AFF2: variants seen among roughly 807,000 people sequenced by gnomAD.
AFF2 encodes AF4/FMR2 family member 2.
AFF2 carries 14 observed loss-of-function variants against 76.9 expected under a neutral mutation model. The ratio of observed to expected loss-of-function variants is 0.18; its 90% confidence interval spans 0.12 to 0.28. The LOEUF (loss-of-function observed/expected upper bound fraction) is 0.28. Among genes scored for constraint, AFF2 ranks in the 10% least tolerant of loss-of-function variants. AFF2 has a pLI of 1.00. For synonymous variants in AFF2, 398 were observed against 366.7 expected (o/e 1.09, Z -0.98); for missense variants, 868 against 1,001.1 (o/e 0.87, Z 1.79).
At chrX:148,670,352 T>C (rs1345640898) in intron 3 of AFF2, among the ~76,000 whole-genome samples, 1 of 111,627 alleles carries the variant, frequency 9.0e-6, no homozygotes, top group Non-Finnish European at 1.9e-5. Flanking sequence ...GTTTTGAACT[T>C]GGCCTTTAAT....
At chrX:148,747,908 G>C (rs1256221431) in intron 3 of AFF2, among the ~76,000 whole-genome samples, 3 of 111,172 alleles carry the variant, frequency 2.7e-5, no homozygotes, top group Non-Finnish European at 5.7e-5. Flanking sequence ...ATGCTGGCTA[G>C]GAATCATAGA....
intron 1 of AFF2, among the ~76,000 whole-genome samples, chrX:148,584,396 A>G (rs1353812548): frequency 9.0e-6 from 1 of 111,730 alleles, no homozygotes; most frequent in Non-Finnish European, 1.9e-5. Context: ...AGGAAACATT[A>G]GCATTCAAGA....
At chrX:148,935,866 C>T (rs1238057393) in intron 9 of AFF2, among the ~76,000 whole-genome samples, 1 of 51,420 alleles carries the variant, frequency 1.9e-5, no homozygotes, top group Non-Finnish European at 3.7e-5. Flanking sequence ...ATTTTTTATA[C>T]TTTAGGTTTT....
chrX:148,858,373 T>C (rs1299525368), intron 7 of AFF2, among the ~76,000 whole-genome samples: 3 of 111,644 alleles, frequency 2.7e-5, no homozygotes, highest in Admixed American at 9.6e-5. Flanking sequence ...CTCACAGAAA[T>C]TCTAGCATAT....
chrX:148,557,562 G>T (rs2124299916), intron 1 of AFF2, among the ~76,000 whole-genome samples: 1 of 111,720 alleles, frequency 9.0e-6, no homozygotes, highest in East Asian at 2.8e-4. Flanking sequence ...GAGAAAGAAT[G>T]CATGAAAAAG....
chrX:148,736,494 C>T (rs139272968), intron 3 of AFF2, among the ~76,000 whole-genome samples: 10 of 109,572 alleles, frequency 9.1e-5, no homozygotes, highest in Non-Finnish European at 1.9e-4. Flanking sequence ...TGTTTGAGTT[C>T]GTTGTAGATT....
chrX:148,650,128 A>T (rs1557256143), intron 1 of AFF2, among the ~76,000 whole-genome samples: 1 of 110,729 alleles, frequency 9.0e-6, no homozygotes, highest in African/African-American at 3.3e-5. Context: ...CATTTGGATA[A>T]ATTGATGGGA....
chrX:148,848,347 A>G (rs1426531717), intron 7 of AFF2, among the ~76,000 whole-genome samples: 5 of 112,278 alleles, frequency 4.5e-5, no homozygotes, highest in African/African-American at 1.3e-4. Flanking sequence ...CCAGATTGCT[A>G]TAACCAATAC....
chrX:148,780,851 GC>G (rs1302511682), intron 3 of AFF2, among the ~76,000 whole-genome samples: 1 of 111,988 alleles, frequency 8.9e-6, no homozygotes, highest in Non-Finnish European at 1.9e-5. Flanking sequence ...GGAATTTTCA[GC>G]CATTTTGCAC....
intron 3 of AFF2, among the ~76,000 whole-genome samples, chrX:148,793,247 G>T (rs1192440685): frequency 9.8e-6 from 1 of 102,212 alleles, no homozygotes. Flanking sequence ...CCAGTCTTTG[G>T]CAGGGTGGGT....
At chrX:148,682,678 C>T (rs2054563292) in intron 3 of AFF2, among the ~76,000 whole-genome samples, 1 of 111,474 alleles carries the variant, frequency 9.0e-6, no homozygotes, top group African/African-American at 3.3e-5. Context: ...CATAATGGCT[C>T]ACCAGGGCAT....
At chrX:148,567,886 A>G (rs2053185902) in intron 1 of AFF2, among the ~76,000 whole-genome samples, 1 of 112,033 alleles carries the variant, frequency 8.9e-6, no homozygotes, top group African/African-American at 3.2e-5. Context: ...TATAGAAACC[A>G]GTAGTGATCA....
chrX:148,901,679 C>A (rs1412721786), intron 8 of AFF2, among the ~76,000 whole-genome samples: 1 of 112,162 alleles, frequency 8.9e-6, no homozygotes, highest in Non-Finnish European at 1.9e-5. Context: ...TAGAATAATT[C>A]ACATATCATT....
intron 1 of AFF2, among the ~76,000 whole-genome samples, chrX:148,618,339 C>G (rs2053833587): frequency 9.0e-6 from 1 of 111,187 alleles, no homozygotes; most frequent in Non-Finnish European, 1.9e-5. Context: ...AACATACAGT[C>G]ATGGTGGAAA....
intron 3 of AFF2, among the ~76,000 whole-genome samples, chrX:148,695,581 A>G (rs181183287): frequency 8.9e-6 from 1 of 112,443 alleles, no homozygotes; most frequent in African/African-American, 3.2e-5. Flanking sequence ...GGAATTGCAG[A>G]AACAGTCATT....
intron 7 of AFF2, among the ~76,000 whole-genome samples, chrX:148,865,513 A>G (rs2070895658): frequency 8.9e-6 from 1 of 112,089 alleles, no homozygotes; most frequent in African/African-American, 3.2e-5. Flanking sequence ...CCTCATTTGC[A>G]TCACCAAACC....
intron 7 of AFF2, among the ~76,000 whole-genome samples, chrX:148,880,125 T>C (rs1252237560): frequency 8.9e-6 from 1 of 112,138 alleles, no homozygotes; most frequent in Non-Finnish European, 1.9e-5. Context: ...AAACTGGTTG[T>C]CACTGCCACA....
In AFF2 at chrX:149,000,614, A is replaced by G. The variant is rs1356804302; in HGVS notation, c.*9282A>G. 1 of 112,961 alleles carries G rather than the reference A, an allele frequency of 8.9e-6. No individual in the cohort carries two copies. The highest frequency in any genetic ancestry group is 9.4e-5 in the Admixed American group (1 of 10,684). 9.3% of individuals were successfully genotyped at this position (112,961 alleles called of 1,213,427 possible). A position where few individuals can be genotyped will look rare whatever the true frequency, so the allele number is the denominator to read the frequency against. On this transcript the variant is annotated 3_prime_UTR_variant, in exon 21 of 21. Coordinates refer to ENST00000370460, the MANE Select transcript of AFF2 (RefSeq NM_002025.4). ...CATAGAGGCATTAACTATACTGCCA[A>G]TGCATTGAATTATTTAAAAATGCAA...
chrX:148,638,098 C>A (rs5980555), intron 1 of AFF2, among the ~76,000 whole-genome samples: 19,403 of 110,408 alleles, frequency 0.18, 1,267 homozygotes, highest in Non-Finnish European at 0.2. Context: ...CATAAAAGCA[C>A]AATTATGATC....
Sources: allele counts gnomAD v4.1 joint callset (sites outside exome capture counted in the v4.1 genomes callset), GRCh38; gene constraint gnomAD v4.1.1; transcripts MANE v1.5; gene names NCBI Gene and HGNC (gene_info 2026-07-23, HGNC 2026-07-21).